ANK2: variants seen among roughly 807,000 people sequenced by gnomAD.
ANK2 encodes the protein ankyrin 2, also known as ankyrin-2.
A neutral mutation model predicts 360.5 loss-of-function variants in ANK2; 83 were observed. The observed-to-expected ratio is 0.23, with a 90% CI of 0.19 to 0.28. The LOEUF (loss-of-function observed/expected upper bound fraction) is 0.28. Ranked by LOEUF, ANK2 falls within the 10% of genes least tolerant of loss-of-function variation. The pLI, the probability that ANK2 is intolerant of heterozygous loss-of-function variation, is 1.00. For missense variants in ANK2, 4,201 were observed against 4,795.7 expected (o/e 0.88, Z 3.66); for synonymous variants, 1,740 against 1,759.5 (o/e 0.99, Z 0.28).
intron 2 of ANK2, among the ~76,000 whole-genome samples, chr4:112,938,087 A>AT (rs1272417562): frequency 6.6e-6 from 1 of 152,186 alleles, no homozygotes; most frequent in Non-Finnish European, 1.5e-5. Flanking sequence ...CAAACCATGC[A>AT]TTTTCTCTTA....
At chr4:113,301,047 C>T (rs1458877821) in intron 22 of ANK2, among the ~76,000 whole-genome samples, 4 of 152,178 alleles carry the variant, frequency 2.6e-5, no homozygotes, top group African/African-American at 9.7e-5. Context: ...TCATTATAGC[C>T]TTTCAAACAA....
intron 1 of ANK2, chr4:112,880,834 G>A (rs1422248154): frequency 6.6e-6 from 1 of 152,130 alleles, no homozygotes; most frequent in Non-Finnish European, 1.5e-5. Flanking sequence ...GTCTCGTCTG[G>A]TCTCTTTCAC....
At chr4:112,850,901 C>T (rs897678235) in intron 1 of ANK2, among the ~76,000 whole-genome samples, 8 of 151,956 alleles carry the variant, frequency 5.3e-5, no homozygotes, top group Non-Finnish European at 7.4e-5. Flanking sequence ...CATCTTTTGC[C>T]CATTTCTTTA....
At chr4:113,360,062 A>G (rs1272015151) in intron 38 of ANK2, among the ~76,000 whole-genome samples, 1 of 152,180 alleles carries the variant, frequency 6.6e-6, no homozygotes. Flanking sequence ...TATCTCTACA[A>G]TGAAGACTGT....
chr4:113,072,394 C>G (rs2077917455), intron 1 of ANK2, among the ~76,000 whole-genome samples: 1 of 152,180 alleles, frequency 6.6e-6, no homozygotes, highest in Admixed American at 6.5e-5. Flanking sequence ...ACCAGAGAAG[C>G]ATATACAGTT....
intron 1 of ANK2, among the ~76,000 whole-genome samples, chr4:113,080,866 A>G (rs760718851): frequency 6.6e-6 from 1 of 152,198 alleles, no homozygotes; most frequent in Non-Finnish European, 1.5e-5. Flanking sequence ...TGGAGAGGAC[A>G]TAGCAGAATG....
At chr4:113,032,986 A>G (rs2060739818) in intron 2 of ANK2, among the ~76,000 whole-genome samples, 1 of 152,082 alleles carries the variant, frequency 6.6e-6, no homozygotes, top group South Asian at 2.1e-4. Flanking sequence ...AGCTTCCAGT[A>G]TCAGGAAAAG....
upstream of ANK2, among the ~76,000 whole-genome samples, chr4:113,047,560 G>C (rs893614905): frequency 6.6e-6 from 1 of 152,158 alleles, no homozygotes; most frequent in Admixed American, 6.5e-5. Context: ...ATGAGTGAGG[G>C]GTTGGGAGAG....
At chr4:112,741,911 C>T in the ANK2 span, among the ~76,000 whole-genome samples, 1 of 152,182 alleles carries the variant, frequency 6.6e-6, no homozygotes, top group Non-Finnish European at 1.5e-5. Flanking sequence ...TTGATATAAA[C>T]AATTATAATA....
Position 113,355,654 on chromosome 4 carries a change from G to C in ANK2, c.7036G>C (p.Glu2346Gln), listed in dbSNP as rs765442559. 2.5e-6 allele frequency: 4 copies of C among 1,614,102 alleles called. No homozygotes were observed. The South Asian group carries it at 4.4e-5, about 18-fold the overall frequency. Residue 2346 changes from glutamate to glutamine, a missense_variant, in exon 38 of 46, where the codon GAG becomes CAG. By Grantham distance (29) the Glu-to-Gln change is conservative. This residue lies in a region of ANK2 where 2,642 missense variants were observed against 2,714.5 expected (regional missense o/e 0.97). Coordinates refer to ENST00000357077, the MANE Select transcript of ANK2 (RefSeq NM_001148.6). ...AGAGACACCTACAGGACTGACTGAG[G>C]AGGCAGCCTGTGATGAAGGTCAACG... ...AKETPTGLTE[E>Q]AACDEGQRTF... is the part of the protein sequence containing the mutation.
chr4:112,831,140 C>T lies in ANK2; in HGVS notation c.-40+12876C>T, dbSNP rs561054198. Among the ~76,000 whole-genome samples, 4 of 152,376 alleles carry T rather than the reference C, an allele frequency of 2.6e-5. No homozygotes were observed. The South Asian group carries it at 6.2e-4, about 24-fold the overall frequency. On this transcript the variant is annotated intron_variant, in intron 1 of 30. Coordinates refer to the ANK2 transcript ENST00000503271. ...AGAGACTCCCCAATGGGTGCTGCCC[C>T]CTACTCTGCAGCGCCCAGTCCCATC... is the stretch of plus-strand genomic sequence containing the variant.
intron 4 of ANK2, among the ~76,000 whole-genome samples, chr4:113,216,039 T>G (rs1248534536): frequency 6.6e-6 from 1 of 152,210 alleles, no homozygotes; most frequent in Non-Finnish European, 1.5e-5. Flanking sequence ...TCCCAACTGT[T>G]AAATCGGGCT....
chr4:112,958,408 A>C (rs1211549082), intron 2 of ANK2, among the ~76,000 whole-genome samples: 1 of 152,216 alleles, frequency 6.6e-6, no homozygotes, highest in Non-Finnish European at 1.5e-5. Context: ...CCCGGCCAAC[A>C]CAGCGAAACC....
intron 2 of ANK2, among the ~76,000 whole-genome samples, chr4:113,024,935 C>T (rs1474177826): frequency 1.3e-5 from 2 of 152,034 alleles, no homozygotes; most frequent in Non-Finnish European, 1.5e-5. Flanking sequence ...ACTACCTATT[C>T]GTGTGAATTT....
chr4:113,179,343 A>G (rs573836187), intron 2 of ANK2, among the ~76,000 whole-genome samples: 1 of 152,338 alleles, frequency 6.6e-6, no homozygotes, highest in African/African-American at 2.4e-5. Flanking sequence ...CAGCTTTCCA[A>G]AAATATCACA....
chr4:112,819,847 T>G (rs1384239852), intron 1 of ANK2, among the ~76,000 whole-genome samples: 1 of 152,196 alleles, frequency 6.6e-6, no homozygotes, highest in African/African-American at 2.4e-5. Flanking sequence ...TGTTAGCCAT[T>G]TCTTGTAGAC....
At position 113,359,041 on chromosome 4, in the gene ANK2, A is replaced by G. The variant is rs751755180; in HGVS notation, c.10423A>G (p.Ile3475Val). 5.6e-6 allele frequency: 9 copies of G among 1,613,976 alleles called. No individual in the cohort carries two copies. Among genetic ancestry groups the G allele is most frequent in the South Asian group, 1.1e-5 (1 of 91,086 alleles). Residue 3475 changes from isoleucine to valine, a missense_variant, in exon 38 of 46, where the codon ATA becomes GTA. Physicochemically the swap from Ile to Val is conservative, Grantham distance 29. Coordinates refer to ENST00000357077, the MANE Select transcript of ANK2 (RefSeq NM_001148.6). ...TTTCTTTGACCTTTACAGAAATTCCATAGAATTCTTTGAGGAGATTAGTGA... is the reference window on the plus strand; with the variant it reads ...TTTCTTTGACCTTTACAGAAATTCCGTAGAATTCTTTGAGGAGATTAGTGA... ...EHFFDLYRNS[I>V]EFFEEISDEA...
chr4:112,846,446 C>T (rs1250153391), intron 1 of ANK2, among the ~76,000 whole-genome samples: 2 of 152,190 alleles, frequency 1.3e-5, no homozygotes, highest in African/African-American at 4.8e-5. Context: ...TTCGTCCACC[C>T]TATTACTTCA....
chr4:113,110,163 A>C (rs1346759809), intron 1 of ANK2, among the ~76,000 whole-genome samples: 1 of 152,198 alleles, frequency 6.6e-6, no homozygotes, highest in Non-Finnish European at 1.5e-5. Context: ...TCATGGTGGA[A>C]GGCGAAGGAG....
Sources: allele counts gnomAD v4.1 joint callset (sites outside exome capture counted in the v4.1 genomes callset), GRCh38; gene constraint gnomAD v4.1.1; regional missense constraint gnomAD v4.1.1; transcripts MANE v1.5; gene names NCBI Gene and HGNC (gene_info 2026-07-23, HGNC 2026-07-21).